Variants in LPIN2 observed in about 807,000 individuals in gnomAD.
The protein encoded by LPIN2 is lipin 2, also known as phosphatidate phosphatase LPIN2.
LPIN2 carries 55 observed loss-of-function variants against 111.4 expected under a neutral mutation model. The observed-to-expected ratio is 0.49, with a 90% confidence interval of 0.40 to 0.62. LPIN2 has a LOEUF of 0.62. Among genes scored for constraint, LPIN2 ranks in the 20% least tolerant of loss-of-function variants. The probability of loss-of-function intolerance (pLI) is 0.00; values close to 1 mark genes in which losing one functional copy is unlikely to be tolerated. For missense variants in LPIN2, 992 were observed against 1,112.1 expected (o/e 0.89, Z 1.54); for synonymous variants, 425 against 414.0 (o/e 1.03, Z -0.32).
At chr18:2,985,653 TA>T (rs2078177304) in intron 1 of LPIN2, among the ~76,000 whole-genome samples, 1 of 152,236 alleles carries the variant, frequency 6.6e-6, no homozygotes, top group African/African-American at 2.4e-5. Context: ...CATAAGTATG[TA>T]AGACTAGGTA....
intron 4 of LPIN2, chr18:2,946,445 G>C: frequency 7.0e-7 from 1 of 1,432,538 alleles, no homozygotes; most frequent in Non-Finnish European, 9.8e-7. Flanking sequence ...GTGAAAGACT[G>C]GAACGCCTGG....
intron 1 of LPIN2, among the ~76,000 whole-genome samples, chr18:3,006,554 T>C (rs1397358676): frequency 2.0e-5 from 3 of 152,034 alleles, no homozygotes; most frequent in Admixed American, 1.3e-4. Context: ...TAGCCAAGCA[T>C]GGGCCGGGCG....
chr18:2,956,001 T>C (rs72871445), intron 2 of LPIN2, among the ~76,000 whole-genome samples: 3,387 of 152,226 alleles, frequency 0.022, 77 homozygotes, highest in Non-Finnish European at 0.031. Flanking sequence ...TGAGGAAGAA[T>C]GGAACTAACC....
rs996832517 is a variant in LPIN2 at position 2,938,827 on chromosome 18, C to T, written c.822+653G>A. On this transcript the variant is annotated intron_variant, in intron 6 of 19. Transcript: ENST00000677752. Reference sequence around the variant, plus strand: ...CAGTTCTTTCTTCTTTCATTATGAGCTGGAAAAAAAGGTTTAACAATTTCT... The same window carrying T: ...CAGTTCTTTCTTCTTTCATTATGAGTTGGAAAAAAAGGTTTAACAATTTCT... Among the ~76,000 whole-genome samples, 5 of 152,184 alleles carry T rather than the reference C, an allele frequency of 3.3e-5. No individual in the cohort carries two copies. The East Asian group carries it at 9.6e-4, about 29-fold the overall frequency.
At chr18:2,927,607 A>G (rs2077153055) in intron 12 of LPIN2, 115 bp downstream of exon 12, 6 of 1,078,830 alleles carry the variant, frequency 5.6e-6, no homozygotes, top group Non-Finnish European at 7.0e-6. Context: ...AAACTGCTAT[A>G]TGGTAAAATA....
intron 4 of LPIN2, among the ~76,000 whole-genome samples, chr18:2,941,621 AAG>A (rs1295175780): frequency 1.3e-5 from 2 of 152,208 alleles, no homozygotes; most frequent in African/African-American, 4.8e-5. Flanking sequence ...GAAAAGTAAA[AAG>A]AAAAGCACAA....
chr18:2,944,911 A>G (rs2077426674), intron 4 of LPIN2, among the ~76,000 whole-genome samples: 1 of 152,188 alleles, frequency 6.6e-6, no homozygotes, highest in Non-Finnish European at 1.5e-5. Context: ...CTCTTACATC[A>G]TACTGCTTGG....
intron 1 of LPIN2, among the ~76,000 whole-genome samples, chr18:2,995,910 G>A (rs55912043): frequency 0.029 from 4,379 of 152,294 alleles, 193 homozygotes; most frequent in African/African-American, 0.099. Context: ...ATTTCATTGT[G>A]TAAGTTTCTG....
At chr18:2,999,501 A>T (rs111388282) in intron 1 of LPIN2, among the ~76,000 whole-genome samples, 18 of 152,004 alleles carry the variant, frequency 1.2e-4, no homozygotes, top group African/African-American at 4.3e-4. Flanking sequence ...GCTACTCAGG[A>T]GGCTGAGGCA....
At chr18:2,973,199 A>T (rs1015682935) in intron 1 of LPIN2, among the ~76,000 whole-genome samples, 2 of 145,818 alleles carry the variant, frequency 1.4e-5, no homozygotes, top group African/African-American at 2.6e-5. Context: ...TTCTTAAAAC[A>T]AAAAAAAAAG....
chr18:2,997,627 T>G (rs75600066), intron 1 of LPIN2, among the ~76,000 whole-genome samples: 1 of 152,122 alleles, frequency 6.6e-6, no homozygotes, highest in Non-Finnish European at 1.5e-5. Context: ...AAACCTTACA[T>G]ATGGCATCAA....
At chr18:2,996,778 A>G (rs778367550) in intron 1 of LPIN2, among the ~76,000 whole-genome samples, 3 of 151,968 alleles carry the variant, frequency 2.0e-5, no homozygotes, top group East Asian at 2.0e-4. Context: ...CGCTCGACCA[A>G]TATCTTTATC....
chr18:2,944,776 T>C (rs1336757139), intron 4 of LPIN2, among the ~76,000 whole-genome samples: 1 of 152,304 alleles, frequency 6.6e-6, no homozygotes, highest in Non-Finnish European at 1.5e-5. Flanking sequence ...TAACAATTAG[T>C]CATAACACCA....
chr18:2,923,605 C>T (rs2077088480), intron 16 of LPIN2, among the ~76,000 whole-genome samples, 170 bp downstream of exon 16: 1 of 152,058 alleles, frequency 6.6e-6, no homozygotes, highest in African/African-American at 2.4e-5. Context: ...GATGCCAATG[C>T]CAGGTGCACA....
At chr18:2,931,233 T>TTC in intron 9 of LPIN2, 23 bp downstream of exon 9, 1 of 1,612,748 alleles carries the variant, frequency 6.2e-7, no homozygotes. Context: ...GAAATGAAGA[T>TTC]GGGGCACAAA....
At chr18:3,010,594 C>G (rs183601206) in intron 1 of LPIN2, among the ~76,000 whole-genome samples, 1 of 152,114 alleles carries the variant, frequency 6.6e-6, no homozygotes, top group South Asian at 2.1e-4. Context: ...ACACACTCAA[C>G]GACAGTCACT....
rs373685201 is a variant in LPIN2, at chr18:2,931,252, G to C, written c.1456+4C>G. 67 of 1,613,936 alleles carry C rather than the reference G, an allele frequency of 4.2e-5. 1 individual carries two copies. In the Middle Eastern group the frequency reaches 1.6e-3, roughly 40 times the overall value. On this transcript the variant is annotated splice_donor_region_variant and intron_variant, in intron 9 of 19. Coordinates refer to ENST00000677752, the MANE Select transcript of LPIN2 (RefSeq NM_001375808.2). Reference sequence around the variant, plus strand: ...TGAAGATGGGGCACAAACACCCAACGTACCTTTTGAAATTTCTCCATTTTC... The same window carrying C: ...TGAAGATGGGGCACAAACACCCAACCTACCTTTTGAAATTTCTCCATTTTC...
At chr18:2,959,431 CACCAGTGGTCCTCT>C (rs1256726724) in intron 2 of LPIN2, among the ~76,000 whole-genome samples, 127 of 152,336 alleles carry the variant, frequency 8.3e-4, no homozygotes, top group African/African-American at 2.9e-3. Context: ...TTTCGACTTA[CACCAGTGGTCCTCT>C]ACCACATACT....
chr18:2,929,238 G>T, intron 9 of LPIN2, 80 bp from the exon 10 acceptor site: 1 of 919,604 alleles, frequency 1.1e-6, no homozygotes, highest in Non-Finnish European at 1.8e-6. Context: ...CTGCATTGCA[G>T]AAATTGAAGG....
Sources: gnomAD v4.1 joint callset for allele counts (sites outside exome capture counted in the v4.1 genomes callset) on GRCh38, gnomAD v4.1.1 for gene constraint, MANE v1.5 for transcripts, NCBI Gene and HGNC (gene_info 2026-07-23, HGNC 2026-07-21) for gene names.